The following NRXN3 variants were observed in gnomAD, a reference collection of about 807,000 sequenced individuals.
NRXN3 encodes the protein neurexin 3.
In NRXN3, 32 loss-of-function variants were observed where a neutral mutation model predicts 137.6. The observed-to-expected ratio is 0.23, with a 90% confidence interval of 0.18 to 0.31. The LOEUF is 0.31. Among genes scored for constraint, NRXN3 ranks in the 10% least tolerant of loss-of-function variants. NRXN3 has a pLI of 1.00. For synonymous variants in NRXN3, 798 were observed against 784.5 expected (o/e 1.02, Z -0.29); for missense variants, 1,574 against 2,062.5 (o/e 0.76, Z 4.59).
At chr14:79,003,413 A>G (rs1166653101) in intron 15 of NRXN3, among the ~76,000 whole-genome samples, 1 of 152,180 alleles carries the variant, frequency 6.6e-6, no homozygotes, top group African/African-American at 2.4e-5. Flanking sequence ...ATGTAATCTA[A>G]TTTAGTCTTT....
At chr14:79,560,684 A>T (rs1314187055) in intron 16 of NRXN3, among the ~76,000 whole-genome samples, 6 of 151,374 alleles carry the variant, frequency 4.0e-5, no homozygotes, top group African/African-American at 1.5e-4. Flanking sequence ...GATTACAAGC[A>T]TGTGCCACCA....
At chr14:79,515,997 G>A (rs1015988679) in intron 16 of NRXN3, among the ~76,000 whole-genome samples, 38 of 152,258 alleles carry the variant, frequency 2.5e-4, no homozygotes, top group African/African-American at 8.4e-4. Flanking sequence ...ACAGGGAAAG[G>A]GCCTTGTAGG....
At chr14:78,727,963 TA>T (rs1314753127) in intron 8 of NRXN3, among the ~76,000 whole-genome samples, 1 of 152,208 alleles carries the variant, frequency 6.6e-6, no homozygotes, top group Non-Finnish European at 1.5e-5. Flanking sequence ...GGCAGGGCCT[TA>T]AAAAATCAAC....
chr14:79,817,583 A>G (rs920917771), intron 20 of NRXN3, among the ~76,000 whole-genome samples: 2 of 152,180 alleles, frequency 1.3e-5, no homozygotes, highest in Non-Finnish European at 2.9e-5. Context: ...TCCATTTTAA[A>G]GATAAGTAAA....
At chr14:78,908,013 T>A (rs976945648) in intron 10 of NRXN3, among the ~76,000 whole-genome samples, 3 of 152,136 alleles carry the variant, frequency 2.0e-5, no homozygotes, top group Non-Finnish European at 4.4e-5. Flanking sequence ...ATGGTGTATA[T>A]GTACCACATT....
chr14:79,016,395 C>T (rs1221317778), intron 15 of NRXN3, among the ~76,000 whole-genome samples: 5 of 152,144 alleles, frequency 3.3e-5, no homozygotes, highest in Admixed American at 2.6e-4. Flanking sequence ...CAAGGGAAAT[C>T]GTTTTAGATT....
At chr14:79,040,060 G>T (rs529006937) in intron 15 of NRXN3, among the ~76,000 whole-genome samples, 54 of 152,284 alleles carry the variant, frequency 3.5e-4, no homozygotes, top group African/African-American at 1.3e-3. Context: ...CTAATCTGAA[G>T]TGGCCTTCCA....
At position 79,861,057 on chromosome 14, in the gene NRXN3, C is replaced by T. The variant is rs1160863560; in HGVS notation, c.4094-285C>T. 2.1e-6 allele frequency: 3 copies of T among 1,407,992 alleles called. No individual in the cohort carries two copies. The highest frequency in any genetic ancestry group is 1.6e-5 in the South Asian group (1 of 60,686). The allele number at this position is 1,407,992 out of a possible 1,614,324, so 87.2% of individuals were successfully genotyped here. A position where few individuals can be genotyped will look rare whatever the true frequency, so the allele number is the denominator to read the frequency against. The stretch of plus-strand genomic sequence containing the variant: ...ATCCCAGGAGGTGAATTAGTTATCC[C>T]TCTTCTTGTAGAAGACCCTTTAGCT... On this transcript the variant is annotated intron_variant, in intron 20 of 20. Transcript: ENST00000335750. This position sits in a 1 kb window ranked among gnomAD's most constrained non-coding sequence, Gnocchi z 5.4.
intron 4 of NRXN3, among the ~76,000 whole-genome samples, chr14:78,565,618 C>A (rs1306897260): frequency 1.3e-5 from 2 of 152,194 alleles, no homozygotes; most frequent in Non-Finnish European, 2.9e-5. Context: ...TGGCTGTCTA[C>A]CTTATAAGGT....
intron 10 of NRXN3, among the ~76,000 whole-genome samples, chr14:78,870,170 T>G (rs2099097819): frequency 1.3e-5 from 2 of 152,286 alleles, no homozygotes; most frequent in South Asian, 4.1e-4. Context: ...TAAAACCAGA[T>G]TTTACAAGGA....
chr14:78,398,645 C>A (rs1034260049), intron 4 of NRXN3, among the ~76,000 whole-genome samples: 2 of 152,144 alleles, frequency 1.3e-5, no homozygotes, highest in African/African-American at 4.8e-5. Flanking sequence ...TCCATTGATA[C>A]TGTGATGATA....
At chr14:79,132,356 A>T (rs74744549) in intron 15 of NRXN3, among the ~76,000 whole-genome samples, 2,491 of 152,324 alleles carry the variant, frequency 0.016, 57 homozygotes, top group African/African-American at 0.056. Context: ...ACAGTGTCAG[A>T]ATTGAGATGT....
intron 15 of NRXN3, among the ~76,000 whole-genome samples, chr14:79,300,274 C>T (rs899161216): frequency 1.4e-4 from 22 of 152,050 alleles, no homozygotes; most frequent in African/African-American, 2.9e-4. Context: ...TTCTACCAGA[C>T]GCTGGGGAAA....
intron 15 of NRXN3, among the ~76,000 whole-genome samples, chr14:79,384,257 G>C (rs556305770): frequency 6.6e-6 from 1 of 152,126 alleles, no homozygotes; most frequent in Admixed American, 6.6e-5. Context: ...AGAGGGAGGT[G>C]GGGGAAGAGA....
At chr14:78,345,832 G>A (rs925286441) in intron 4 of NRXN3, among the ~76,000 whole-genome samples, 3 of 152,142 alleles carry the variant, frequency 2.0e-5, no homozygotes, top group Admixed American at 6.5e-5. Flanking sequence ...TGACAATACC[G>A]AGGGAAACTG....
chr14:78,291,871 G>A (rs1248929875), intron 3 of NRXN3, among the ~76,000 whole-genome samples: 1 of 152,194 alleles, frequency 6.6e-6, no homozygotes, highest in Non-Finnish European at 1.5e-5. Context: ...TGAAATAAAA[G>A]TCTTGGCAGA....
chr14:78,878,378 A>G (rs1567589944), intron 10 of NRXN3, among the ~76,000 whole-genome samples: 1 of 152,198 alleles, frequency 6.6e-6, no homozygotes, highest in African/African-American at 2.4e-5. Flanking sequence ...AAAATTTCTG[A>G]ACATACATTT....
chr14:78,611,719 A>G (rs1389608260), intron 4 of NRXN3, among the ~76,000 whole-genome samples: 1 of 152,218 alleles, frequency 6.6e-6, no homozygotes, highest in Non-Finnish European at 1.5e-5. Flanking sequence ...TTTCCTTTCT[A>G]CGACATGAAA....
intron 15 of NRXN3, among the ~76,000 whole-genome samples, chr14:79,226,577 A>T (rs117218925): frequency 1.3e-5 from 2 of 152,026 alleles, no homozygotes; most frequent in Non-Finnish European, 2.9e-5. Flanking sequence ...GAATTGTTTC[A>T]TCTCATGTAT....
Sources: gnomAD v4.1 joint callset for allele counts (sites outside exome capture counted in the v4.1 genomes callset) on GRCh38, gnomAD v4.1.1 for gene constraint, Gnocchi (gnomAD v3.1) non-coding constraint, MANE v1.5 for transcripts, NCBI Gene and HGNC (gene_info 2026-07-23, HGNC 2026-07-21) for gene names.